ITGA1: variants seen among roughly 807,000 people sequenced by gnomAD.
ITGA1 encodes integrin subunit alpha 1.
A neutral mutation model predicts 145.9 loss-of-function variants in ITGA1; 85 were observed. The ratio of observed to expected loss-of-function variants is 0.58; its 90% CI spans 0.49 to 0.70. The LOEUF is 0.70. ITGA1 is among the 30% of genes least tolerant of loss of function. ITGA1 has a pLI of 0.00. For missense variants in ITGA1, 1,351 were observed against 1,418.7 expected (o/e 0.95, Z 0.77); for synonymous variants, 520 against 495.3 (o/e 1.05, Z -0.66).
intron 22 of ITGA1, 193 bp downstream of exon 22, chr5:52,932,329 G>A: frequency 1.9e-6 from 1 of 528,364 alleles, no homozygotes; most frequent in Non-Finnish European, 3.3e-6. Context: ...TAATTCTCAT[G>A]CATCCTAATG....
intron 1 of ITGA1, among the ~76,000 whole-genome samples, chr5:52,834,340 AT>A (rs1749121534): frequency 1.3e-5 from 2 of 152,072 alleles, no homozygotes; most frequent in Non-Finnish European, 2.9e-5. Flanking sequence ...TTTCAGCTTG[AT>A]TTTTGATGAG....
intron 14 of ITGA1, among the ~76,000 whole-genome samples, chr5:52,913,099 C>A (rs188874039): frequency 5.9e-5 from 9 of 151,968 alleles, no homozygotes; most frequent in African/African-American, 1.9e-4. Flanking sequence ...TTGTTATTTT[C>A]CATATCTCCA....
At chr5:52,937,061 A>C (rs1375156278) in intron 23 of ITGA1, among the ~76,000 whole-genome samples, 1 of 122,912 alleles carries the variant, frequency 8.1e-6, no homozygotes, top group Non-Finnish European at 1.7e-5. Flanking sequence ...AAAAAAAAAA[A>C]AGAAAGAAAA....
intron 1 of ITGA1, among the ~76,000 whole-genome samples, chr5:52,821,744 G>A (rs1412151294): frequency 6.6e-6 from 1 of 152,056 alleles, no homozygotes; most frequent in Non-Finnish European, 1.5e-5. Flanking sequence ...CAACTATTCA[G>A]CCTTAACATT....
chr5:52,893,586 A>T, intron 8 of ITGA1, 89 bp from the exon 9 acceptor site: 2 of 1,215,174 alleles, frequency 1.6e-6, no homozygotes, highest in Non-Finnish European at 2.3e-6. Context: ...AAGGTACTCT[A>T]CACTGTTGTT....
At chr5:52,811,992 A>G (rs1469506148) in intron 1 of ITGA1, among the ~76,000 whole-genome samples, 1 of 152,182 alleles carries the variant, frequency 6.6e-6, no homozygotes, top group African/African-American at 2.4e-5. Context: ...TACATTTTAA[A>G]AGCTCCTCAG....
intron 14 of ITGA1, among the ~76,000 whole-genome samples, chr5:52,911,104 ATATATAG>A (rs1750514485): frequency 7.5e-6 from 1 of 133,346 alleles, no homozygotes; most frequent in Non-Finnish European, 1.6e-5. Context: ...TATATAGTGT[ATATATAG>A]TATATAGTGT....
At chr5:52,800,296 C>A in intron 1 of ITGA1, 1 of 1,378,872 alleles carries the variant, frequency 7.3e-7, no homozygotes, top group Non-Finnish European at 1.0e-6. Flanking sequence ...AAACCGGGCC[C>A]CGCCCCCTTC....
chr5:52,893,075 A>G (rs180886269), intron 8 of ITGA1, among the ~76,000 whole-genome samples: 2 of 152,290 alleles, frequency 1.3e-5, no homozygotes, highest in Admixed American at 6.5e-5. Flanking sequence ...ACAATCATAT[A>G]TAACTCCTGC....
chr5:52,848,699 G>A (rs1343367156), intron 1 of ITGA1, among the ~76,000 whole-genome samples: 2 of 151,766 alleles, frequency 1.3e-5, no homozygotes, highest in Non-Finnish European at 2.9e-5. Flanking sequence ...TTTACATTAG[G>A]TATATCTCCT....
chr5:52,815,374 T>A (rs185767260), intron 1 of ITGA1, among the ~76,000 whole-genome samples: 109 of 152,314 alleles, frequency 7.2e-4, no homozygotes, highest in African/African-American at 2.6e-3. Context: ...TTCAAAATAG[T>A]GAATGGGACA....
intron 1 of ITGA1, among the ~76,000 whole-genome samples, chr5:52,825,479 T>A (rs1308435561): frequency 1.3e-5 from 2 of 152,208 alleles, no homozygotes; most frequent in African/African-American, 4.8e-5. Context: ...TGGGGCCTTG[T>A]GATCAGTGGT....
chr5:52,878,823 G>C (rs10057067), intron 6 of ITGA1, among the ~76,000 whole-genome samples: 60,297 of 151,928 alleles, frequency 0.4, 12,668 homozygotes, highest in African/African-American at 0.53. Flanking sequence ...GAAGCATATA[G>C]AGAGGAGGAG....
At chr5:52,921,481 T>C (rs571112115) in intron 17 of ITGA1, among the ~76,000 whole-genome samples, 12 of 152,296 alleles carry the variant, frequency 7.9e-5, no homozygotes, top group Non-Finnish European at 1.6e-4. Context: ...GATCAATCTA[T>C]TATTTGGTAA....
At chr5:52,899,403 A>G (rs938838682) in intron 11 of ITGA1, among the ~76,000 whole-genome samples, 1 of 152,186 alleles carries the variant, frequency 6.6e-6, no homozygotes, top group African/African-American at 2.4e-5. Context: ...AAAGGACTAG[A>G]GTTTTAGATG....
chr5:52,911,484 T>A (rs1470877600), intron 14 of ITGA1, among the ~76,000 whole-genome samples: 3 of 129,544 alleles, frequency 2.3e-5, no homozygotes, highest in Admixed American at 9.0e-5. Flanking sequence ...AGATACACTA[T>A]ATATAGTATA....
chr5:52,848,243 C>T (rs183649199), intron 1 of ITGA1, among the ~76,000 whole-genome samples: 40 of 152,268 alleles, frequency 2.6e-4, no homozygotes, highest in African/African-American at 9.1e-4. Flanking sequence ...TGAGTGGAGA[C>T]CATCAGCTTG....
intron 24 of ITGA1, among the ~76,000 whole-genome samples, chr5:52,937,777 G>T (rs947162729): frequency 6.6e-6 from 1 of 152,196 alleles, no homozygotes; most frequent in Non-Finnish European, 1.5e-5. Flanking sequence ...TCAAGGTGTT[G>T]ACAGTGTTAA....
chr5:52,923,389 T>A (rs1482958745), intron 18 of ITGA1, among the ~76,000 whole-genome samples: 1 of 152,018 alleles, frequency 6.6e-6, no homozygotes, highest in Non-Finnish European at 1.5e-5. Flanking sequence ...CGTCTATAGT[T>A]GTTTTTCAGC....
Sources: allele counts gnomAD v4.1 joint callset (sites outside exome capture counted in the v4.1 genomes callset), GRCh38; gene constraint gnomAD v4.1.1; transcripts MANE v1.5; gene names NCBI Gene and HGNC (gene_info 2026-07-23, HGNC 2026-07-21).